NCBP1: variants seen among roughly 807,000 people sequenced by gnomAD.
NCBP1 encodes the protein nuclear cap binding protein subunit 1.
In NCBP1, 16 loss-of-function variants were observed where a neutral mutation model predicts 111.7. The ratio of observed to expected loss-of-function variants is 0.14; its 90% CI spans 0.10 to 0.22. The LOEUF (loss-of-function observed/expected upper bound fraction) is 0.22. Among genes scored for constraint, NCBP1 ranks in the 10% least tolerant of loss-of-function variants. NCBP1 has a pLI of 1.00. For missense variants in NCBP1, 607 were observed against 957.5 expected, an observed-to-expected ratio of 0.63 and a Z score of 4.83; for synonymous variants, 304 against 314.3, an observed-to-expected ratio of 0.97 and a Z score of 0.35.
intron 14 of NCBP1, 39 bp from the exon 15 acceptor site, chr9:97,658,601 G>T: frequency 6.7e-7 from 1 of 1,484,714 alleles, no homozygotes; most frequent in South Asian, 1.1e-5. Context: ...GAATGGGACT[G>T]ATAAAAGATA....
At chr9:97,641,144 A>G (rs1827193505) in intron 2 of NCBP1, among the ~76,000 whole-genome samples, 1 of 152,144 alleles carries the variant, frequency 6.6e-6, no homozygotes, top group Non-Finnish European at 1.5e-5. Context: ...TTATGCATGA[A>G]CTAAATCAGC....
rs772359052 is a variant in NCBP1, at chr9:97,645,149, T to C, written c.414T>C (p.His138=). 6 of 1,613,542 alleles carry C rather than the reference T, an allele frequency of 3.7e-6. No individual in the cohort carries two copies. Among genetic ancestry groups the C allele is most frequent in the East Asian group, 2.2e-5 (1 of 44,836 alleles). The change falls in exon 5 of 23, where the codon CAT becomes CAC. Residue 138 remains histidine (H), a synonymous_variant. Transcript: ENST00000375147. The stretch of plus-strand genomic sequence containing the variant: ...TTTTATCTGATCTTGTGAATTGTCA[T>C]GTGATTGCCGCCCCATCAATGGTTG... ...VRFLSDLVNC[H]VIAAPSMVAM...
rs765744243 is a variant in NCBP1 at position 97,663,008 on chromosome 9, G to A, written c.1758G>A (p.Val586=). ...LAESDEGKLH[V]LRVMFEVWRN... Reference sequence around the variant, plus strand: ...AAAGTGATGAAGGAAAGTTACATGTGCTAAGAGTTATGTTTGAGGTCTGGA... The same window carrying A: ...AAAGTGATGAAGGAAAGTTACATGTACTAAGAGTTATGTTTGAGGTCTGGA... Residue 586 remains valine (V), a synonymous_variant, in exon 18 of 23, where the codon GTG becomes GTA. Coordinates refer to ENST00000375147, the MANE Select transcript of NCBP1 (RefSeq NM_002486.5). The A allele has an allele frequency of 6.2e-7, 1 of 1,613,104 alleles. No homozygotes were observed. Among genetic ancestry groups the A allele is most frequent in the Admixed American group, 1.7e-5 (1 of 59,754 alleles).
rs41306512 is a variant in NCBP1 at position 97,661,169 on chromosome 9, T to A, written c.1600+101T>A. 1,285 of 1,460,672 alleles carry A rather than the reference T, an allele frequency of 8.8e-4. 1 individual carries two copies. Among genetic ancestry groups the A allele is most frequent in the Non-Finnish European group, 1.1e-3 (1,209 of 1,074,692 alleles). 90.5% of individuals were successfully genotyped at this position (1,460,672 alleles called of 1,614,324 possible). ...TGATGCTCTTAAAGCAATATATCTA[T>A]ATCTGTTTGACCTGTTCAGACTGTT... On this transcript the variant is annotated intron_variant, in intron 16 of 22. Transcript: ENST00000375147.
intron 16 of NCBP1, among the ~76,000 whole-genome samples, chr9:97,661,368 G>A (rs746375205): frequency 3.3e-5 from 5 of 152,068 alleles, no homozygotes; most frequent in Non-Finnish European, 7.4e-5. Flanking sequence ...AGAAAGACTT[G>A]GTGTGTTATA....
At chr9:97,669,792 G>C (rs1345776575) in intron 22 of NCBP1, 86 bp downstream of exon 22, 3 of 946,510 alleles carry the variant, frequency 3.2e-6, no homozygotes, top group Non-Finnish European at 5.1e-6. Flanking sequence ...AAATTTGTTA[G>C]GAGGTTATAT....
intron 14 of NCBP1, among the ~76,000 whole-genome samples, chr9:97,657,948 TC>T: frequency 7.6e-6 from 1 of 131,294 alleles, no homozygotes; most frequent in Non-Finnish European, 1.6e-5. Flanking sequence ...TTTTTTAACG[TC>T]CCCAGCCATT....
intron 1 of NCBP1, among the ~76,000 whole-genome samples, chr9:97,635,250 G>C (rs1826976778): frequency 6.6e-6 from 1 of 152,140 alleles, no homozygotes; most frequent in Non-Finnish European, 1.5e-5. Flanking sequence ...TAACTAAGAT[G>C]GAGGGACAGC....
At chr9:97,662,910 ATG>A (rs1400858286) in intron 17 of NCBP1, 42 bp from the exon 18 acceptor site, 1 of 1,384,346 alleles carries the variant, frequency 7.2e-7, no homozygotes, top group African/African-American at 1.5e-5. Flanking sequence ...AAAATGTTTA[ATG>A]AATAAGTATA....
intron 19 of NCBP1, 141 bp from the exon 20 acceptor site, chr9:97,666,622 T>G (rs1336303799): frequency 1.1e-5 from 6 of 559,298 alleles, no homozygotes; most frequent in Non-Finnish European, 1.9e-5. Flanking sequence ...TTTGTAAGTA[T>G]TGCTGGAGAA....
intron 1 of NCBP1, among the ~76,000 whole-genome samples, chr9:97,639,382 T>G (rs1390449802): frequency 1.3e-5 from 2 of 152,164 alleles, no homozygotes; most frequent in African/African-American, 2.4e-5. Flanking sequence ...TTCAATAGAT[T>G]TAACATTCCA....
chr9:97,654,920 C>T lies in NCBP1; in HGVS notation c.1211C>T (p.Thr404Ile). 3.1e-6 allele frequency: 5 copies of T among 1,610,918 alleles called. No individual in the cohort carries two copies. Among genetic ancestry groups the T allele is most frequent in the Non-Finnish European group, 4.2e-6 (5 of 1,178,926 alleles). The change falls in exon 12 of 23, where the codon ACA (threonine) becomes ATA (isoleucine). Residue 404 changes from threonine to isoleucine, a missense_variant. Physicochemically the swap from Thr to Ile is moderately conservative, Grantham distance 89. Transcript: ENST00000375147. The part of the protein sequence containing the change: ...ATEMLYMRLD[T>I]MNTTCVDRFI... Reference sequence around the variant, plus strand: ...GAAATGCTATACATGCGTTTGGACACAATGAACACTACCTGTGTAGACAGG... The same window carrying T: ...GAAATGCTATACATGCGTTTGGACATAATGAACACTACCTGTGTAGACAGG...
Position 97,633,829 on chromosome 9 carries a change from C to G in NCBP1, c.-53C>G. 1.1e-5 allele frequency: 17 copies of G among 1,549,934 alleles called. No individual in the cohort carries two copies. In the South Asian group the frequency reaches 1.7e-4, roughly 15 times the overall value. On this transcript the variant is annotated 5_prime_UTR_variant, in exon 1 of 23. Transcript: ENST00000375147. ...TGCGTCGGCCAGCGGCCAGACAGTT[C>G]CTGCAGCGCTTACCGCCTGGCCTCT...
At chr9:97,654,476 G>A (rs1332232005) in intron 11 of NCBP1, among the ~76,000 whole-genome samples, 1 of 151,816 alleles carries the variant, frequency 6.6e-6, no homozygotes, top group African/African-American at 2.4e-5. Context: ...TTACCAGTAT[G>A]TGACACAGAG....
intron 9 of NCBP1, 87 bp downstream of exon 9, chr9:97,650,687 A>T (rs1183952029): frequency 8.8e-7 from 1 of 1,131,026 alleles, no homozygotes; most frequent in Non-Finnish European, 1.3e-6. Flanking sequence ...TTGAGAGTGT[A>T]AGAAAATTTT....
intron 22 of NCBP1, 164 bp downstream of exon 22, chr9:97,669,870 T>C: frequency 1.4e-6 from 1 of 695,726 alleles, no homozygotes; most frequent in Non-Finnish European, 2.6e-6. Flanking sequence ...TATTTAGGCT[T>C]AAACTGATTC....
At chr9:97,663,919 C>A (rs1827914104) in intron 18 of NCBP1, among the ~76,000 whole-genome samples, 1 of 151,828 alleles carries the variant, frequency 6.6e-6, no homozygotes, top group Non-Finnish European at 1.5e-5. Context: ...TGGCTCTTAC[C>A]TGTAATCCTA....
At chr9:97,633,972 C>A in intron 1 of NCBP1, 57 bp downstream of exon 1, 1 of 1,513,900 alleles carries the variant, frequency 6.6e-7, no homozygotes, top group Non-Finnish European at 8.8e-7. Flanking sequence ...CGAGGCTCGG[C>A]GTCTTTGGGT....
intron 11 of NCBP1, 59 bp downstream of exon 11, chr9:97,653,967 A>T: frequency 7.0e-7 from 1 of 1,432,290 alleles, no homozygotes; most frequent in Non-Finnish European, 9.6e-7. Flanking sequence ...AAGATTATTA[A>T]ATATTTCTGC....
Sources: gnomAD v4.1 joint callset for allele counts (sites outside exome capture counted in the v4.1 genomes callset) on GRCh38, gnomAD v4.1.1 for gene constraint, MANE v1.5 for transcripts, NCBI Gene and HGNC (gene_info 2026-07-23, HGNC 2026-07-21) for gene names.